Variants in SMOC1 observed in about 807,000 individuals in gnomAD.
SMOC1 encodes the protein SPARC-related modular calcium-binding protein 1.
SMOC1 carries 22 observed loss-of-function variants against 56.3 expected under a neutral mutation model. That is an observed-to-expected ratio of 0.39 (90% CI 0.28 to 0.56). The LOEUF (loss-of-function observed/expected upper bound fraction) is 0.56, where lower values mean the gene tolerates loss of function less well. Among genes scored for constraint, SMOC1 ranks in the 20% least tolerant of loss-of-function variants. The probability of loss-of-function intolerance (pLI) is 0.61; values close to 1 mark genes in which losing one functional copy is unlikely to be tolerated. For synonymous variants in SMOC1, 193 were observed against 215.0 expected (o/e 0.90, Z 0.89); for missense variants, 509 against 565.4 (o/e 0.90, Z 1.01).
chr14:69,999,500 C>T (rs1388244144), intron 7 of SMOC1, among the ~76,000 whole-genome samples: 1 of 152,222 alleles, frequency 6.6e-6, no homozygotes, highest in East Asian at 1.9e-4. Context: ...GAGTAATCCA[C>T]TAACGTTAGC....
At chr14:69,939,705 A>G (rs1309503938) in intron 1 of SMOC1, among the ~76,000 whole-genome samples, 3 of 152,212 alleles carry the variant, frequency 2.0e-5, no homozygotes, top group African/African-American at 2.4e-5. Flanking sequence ...TGATTATACA[A>G]TAGTGCCACA....
At chr14:69,968,142 G>T (rs1366586185) in intron 3 of SMOC1, among the ~76,000 whole-genome samples, 2 of 152,172 alleles carry the variant, frequency 1.3e-5, no homozygotes, top group South Asian at 2.1e-4. Context: ...AAACTCTCAC[G>T]TAGAAAACTA....
At chr14:69,996,555 A>G (rs575986419) in intron 7 of SMOC1, among the ~76,000 whole-genome samples, 2 of 152,026 alleles carry the variant, frequency 1.3e-5, no homozygotes, top group East Asian at 3.9e-4. Context: ...TTTCATTCCT[A>G]CTCTCCAATT....
intron 6 of SMOC1, among the ~76,000 whole-genome samples, chr14:69,993,653 G>T (rs774414900): frequency 2.0e-5 from 3 of 152,182 alleles, no homozygotes; most frequent in Non-Finnish European, 4.4e-5. Context: ...GGGAAGTTTT[G>T]TATGTTCATG....
At chr14:69,977,883 G>A in intron 4 of SMOC1, 35 bp from the exon 5 acceptor site, 1 of 1,602,026 alleles carries the variant, frequency 6.2e-7, no homozygotes, top group Non-Finnish European at 8.6e-7. Flanking sequence ...AATGCATTCT[G>A]AGTGGCTATG....
chr14:70,027,905 C>T (rs1382338088), intron 11 of SMOC1, among the ~76,000 whole-genome samples: 7 of 152,238 alleles, frequency 4.6e-5, no homozygotes, highest in Admixed American at 1.3e-4. Flanking sequence ...CTCTGCAGGG[C>T]GGCAGAAAAA....
At chr14:69,963,352 A>G (rs1883453408) in intron 3 of SMOC1, among the ~76,000 whole-genome samples, 1 of 152,146 alleles carries the variant, frequency 6.6e-6, no homozygotes, top group South Asian at 2.1e-4. Flanking sequence ...ACGGTACCAA[A>G]TGGGGGTAGG....
rs895488149 is a variant in SMOC1 at position 69,992,540 on chromosome 14, C to A, written c.583+67C>A. The A allele has an allele frequency of 5.1e-6, 6 of 1,176,758 alleles. No homozygotes were observed. The Admixed American group carries it at 6.7e-5, about 13-fold the overall frequency. The allele number at this position is 1,176,758 out of a possible 1,614,324, so 72.9% of individuals were successfully genotyped here. A position where few individuals can be genotyped will look rare whatever the true frequency, so the allele number is the denominator to read the frequency against. On this transcript the variant is annotated intron_variant, in intron 6 of 11. Transcript: ENST00000361956. Reference sequence around the variant, plus strand: ...TTTTCAGGTTTGGGAAAAGTCTTAACGTTGGATGTTTGTTTAAGTTTTATT... The same window carrying A: ...TTTTCAGGTTTGGGAAAAGTCTTAAAGTTGGATGTTTGTTTAAGTTTTATT...
chr14:69,953,149 A>ATT lies in SMOC1; in HGVS notation c.266-263_266-262dup, dbSNP rs5809448. Among the ~76,000 whole-genome samples the ATT allele has an allele frequency of 1.5e-3, 221 of 148,202 alleles. 2 individuals are homozygous for ATT. Among genetic ancestry groups the ATT allele is most frequent in the African/African-American group, 5.4e-3 (205 of 38,174 alleles). ...CAGTGAAAAATCATGGAACTAAAACATTTTTTTTTCTATGGGGCCAGGGTA... is the reference window on the plus strand; with the variant it reads ...CAGTGAAAAATCATGGAACTAAAACATTTTTTTTTTTCTATGGGGCCAGGGTA... On this transcript the variant is annotated intron_variant, in intron 2 of 11. Coordinates refer to ENST00000361956, the MANE Select transcript of SMOC1 (RefSeq NM_001034852.3).
chr14:69,896,380 G>T (rs559117090), intron 1 of SMOC1, among the ~76,000 whole-genome samples: 1 of 152,060 alleles, frequency 6.6e-6, no homozygotes, highest in Admixed American at 6.6e-5. Context: ...GTGTGTTCTC[G>T]GGCAAATGAA....
At chr14:69,881,309 G>T (rs924829459) in intron 1 of SMOC1, among the ~76,000 whole-genome samples, 1 of 152,150 alleles carries the variant, frequency 6.6e-6, no homozygotes, top group Non-Finnish European at 1.5e-5. Context: ...GCAGACCAGA[G>T]CACCCCGACT....
intron 1 of SMOC1, among the ~76,000 whole-genome samples, chr14:69,921,070 T>C (rs1160449576): frequency 1.3e-5 from 2 of 152,160 alleles, no homozygotes; most frequent in African/African-American, 4.8e-5. Context: ...CTCCTGGGTG[T>C]CCTGAGAGCT....
At chr14:69,979,265 G>A (rs1253486848) in intron 5 of SMOC1, among the ~76,000 whole-genome samples, 2 of 152,140 alleles carry the variant, frequency 1.3e-5, no homozygotes, top group Non-Finnish European at 2.9e-5. Flanking sequence ...ATAAGGATCT[G>A]GAGAACCTGC....
At chr14:70,025,389 C>T (rs78416959) in intron 11 of SMOC1, among the ~76,000 whole-genome samples, 16 of 152,258 alleles carry the variant, frequency 1.1e-4, no homozygotes, top group Admixed American at 6.5e-4. Context: ...CACTTCCCAC[C>T]GCCCGCCCCG....
chr14:69,936,548 C>T (rs2139404848), intron 1 of SMOC1, among the ~76,000 whole-genome samples: 1 of 152,374 alleles, frequency 6.6e-6, no homozygotes, highest in South Asian at 2.1e-4. Flanking sequence ...TTCCTCCTTC[C>T]CCTCCCACTG....
intron 2 of SMOC1, 94 bp from the exon 3 acceptor site, chr14:69,953,326 C>T (rs936078065): frequency 1.8e-5 from 21 of 1,167,010 alleles, no homozygotes; most frequent in Non-Finnish European, 2.7e-5. Context: ...GTGTGGGCTC[C>T]CGCACAGGTG....
chr14:69,889,733 G>T (rs1048478668), intron 1 of SMOC1, among the ~76,000 whole-genome samples: 3 of 152,158 alleles, frequency 2.0e-5, no homozygotes, highest in Non-Finnish European at 4.4e-5. Context: ...AAAAAAATCA[G>T]CAGGACTGAG....
At chr14:69,984,932 C>T (rs562879029) in intron 5 of SMOC1, among the ~76,000 whole-genome samples, 1 of 151,904 alleles carries the variant, frequency 6.6e-6, no homozygotes, top group African/African-American at 2.4e-5. Context: ...ATCCCAGCTA[C>T]TCGGAAGGCT....
chr14:69,999,537 G>C (rs564485748), intron 7 of SMOC1, among the ~76,000 whole-genome samples: 34 of 152,294 alleles, frequency 2.2e-4, no homozygotes, highest in South Asian at 6.2e-4. Flanking sequence ...GGGCTTGTGT[G>C]CATTTAAAAT....
Sources: gnomAD v4.1 joint callset for allele counts (sites outside exome capture counted in the v4.1 genomes callset) on GRCh38, gnomAD v4.1.1 for gene constraint, MANE v1.5 for transcripts, NCBI Gene and HGNC (gene_info 2026-07-23, HGNC 2026-07-21) for gene names.